The following SCTR variants were observed in gnomAD, a reference collection of about 807,000 sequenced individuals.
SCTR encodes secretin receptor.
Under a neutral mutation model 60.8 loss-of-function variants are expected in SCTR, and 56 were observed. The ratio of observed to expected loss-of-function variants is 0.92; its 90% CI spans 0.74 to 1.15. The LOEUF is 1.15. Ranked by LOEUF, SCTR falls within the 50% of genes most tolerant of loss-of-function variation. SCTR has a pLI of 0.00. For synonymous variants in SCTR, 202 were observed against 217.0 expected (o/e 0.93, Z 0.61); for missense variants, 562 against 550.4 (o/e 1.02, Z -0.21).
rs70947300 is a variant in SCTR, at chr2:119,523,392, CTATTATTAT to C, written c.72+754_72+762del. ...GAAAAACAAACCACCCATCCTGCCG[CTATTATTAT>C]TATTATTATTATTATTATTATTATT... On this transcript the variant is annotated intron_variant, in intron 1 of 12. Coordinates refer to ENST00000019103, the MANE Select transcript of SCTR (RefSeq NM_002980.3). 7.6e-3 allele frequency among the ~76,000 whole-genome samples: 1,024 copies of C among 134,238 alleles called. 11 individuals are homozygous for C. Among genetic ancestry groups the C allele is most frequent in the African/African-American group, 0.019 (667 of 35,708 alleles). 88.1% of individuals were successfully genotyped at this position (134,238 alleles called of 152,430 possible).
intron 11 of SCTR, 58 bp downstream of exon 11, chr2:119,446,701 C>G: frequency 1.4e-6 from 2 of 1,389,140 alleles, no homozygotes; most frequent in Non-Finnish European, 1.9e-6. Flanking sequence ...CTCCACTTCT[C>G]CCTAAGGACA....
At chr2:119,472,143 T>TTGA (rs1677049104) in intron 4 of SCTR, among the ~76,000 whole-genome samples, 1 of 152,094 alleles carries the variant, frequency 6.6e-6, no homozygotes, top group Non-Finnish European at 1.5e-5. Context: ...ATGAATGCCT[T>TTGA]TGAGGAGCAT....
Position 119,466,047 on chromosome 2 carries a change from G to A in SCTR, c.406-161C>T, listed in dbSNP as rs192985170. ...CAGACACATAACACCGTAACATCCT[G>A]GCATTGGAAAAGCCCTTAGGGATCA... On this transcript the variant is annotated intron_variant, in intron 4 of 12. Transcript: ENST00000019103. 1.5e-3 allele frequency among the ~76,000 whole-genome samples: 225 copies of A among 152,036 alleles called. 1 individual carries two copies. In the Middle Eastern group the frequency reaches 0.017, roughly 11 times the overall value.
intron 2 of SCTR, among the ~76,000 whole-genome samples, chr2:119,482,372 G>A (rs1269133536): frequency 6.6e-6 from 1 of 152,228 alleles, no homozygotes; most frequent in African/African-American, 2.4e-5. Context: ...CGCCTGTGGG[G>A]GCTTTGGAGG....
intron 2 of SCTR, among the ~76,000 whole-genome samples, 175 bp downstream of exon 2, chr2:119,494,253 T>A (rs1418956836): frequency 6.6e-6 from 1 of 152,182 alleles, no homozygotes; most frequent in Non-Finnish European, 1.5e-5. Context: ...TTGGGGTCCA[T>A]GCGATCTGCT....
intron 1 of SCTR, among the ~76,000 whole-genome samples, chr2:119,511,668 T>C (rs1466832303): frequency 6.6e-6 from 1 of 152,186 alleles, no homozygotes; most frequent in Non-Finnish European, 1.5e-5. Flanking sequence ...TATCTGGCTG[T>C]GGTTTGGGGT....
intron 1 of SCTR, among the ~76,000 whole-genome samples, chr2:119,495,112 TACAC>T (rs10558765): frequency 6.0e-5 from 9 of 150,784 alleles, no homozygotes; most frequent in Non-Finnish European, 1.0e-4. Flanking sequence ...GATATAGATT[TACAC>T]ACACACACAC....
At chr2:119,444,185 GAATATATACACATAT>G in intron 11 of SCTR, among the ~76,000 whole-genome samples, 2 of 134,608 alleles carry the variant, frequency 1.5e-5, no homozygotes, top group African/African-American at 6.1e-5. Flanking sequence ...ATATACATAT[GAATATATACACATAT>G]GTATATATAC....
At chr2:119,502,058 C>A (rs1678571450) in intron 1 of SCTR, among the ~76,000 whole-genome samples, 1 of 152,078 alleles carries the variant, frequency 6.6e-6, no homozygotes, top group African/African-American at 2.4e-5. Flanking sequence ...GAGTTCAAGA[C>A]CAACCTGGGC....
At chr2:119,479,460 C>T (rs1677499040) in intron 2 of SCTR, 1 of 167,674 alleles carries the variant, frequency 6.0e-6, no homozygotes, top group African/African-American at 2.4e-5. Context: ...ACTCTTGTCC[C>T]ATGATTCTCA....
In SCTR at chr2:119,524,259, G is replaced by A. The variant is rs1014452855; in HGVS notation, c.-33C>T. 1.1e-5 allele frequency: 15 copies of A among 1,391,002 alleles called. No homozygotes were observed. The Admixed American group carries it at 2.3e-4, about 21-fold the overall frequency. 86.2% of individuals were successfully genotyped at this position (1,391,002 alleles called of 1,614,324 possible). A position where few individuals can be genotyped will look rare whatever the true frequency, so the allele number is the denominator to read the frequency against. ...GCACGTTCCCCGAGGGCGCCCCGACGTCCGCCTGCCCGTGCCCTCTGCCCG... is the reference window on the plus strand; with the variant it reads ...GCACGTTCCCCGAGGGCGCCCCGACATCCGCCTGCCCGTGCCCTCTGCCCG... On this transcript the variant is annotated 5_prime_UTR_variant, in exon 1 of 13. In the 5' UTR this introduces an upstream ATG that the reference lacks. Transcript: ENST00000019103.
At chr2:119,515,322 G>C (rs1679078905) in intron 1 of SCTR, among the ~76,000 whole-genome samples, 1 of 152,228 alleles carries the variant, frequency 6.6e-6, no homozygotes, top group Admixed American at 6.5e-5. Flanking sequence ...ACCCCTAGGA[G>C]ATGGCTCTAC....
chr2:119,449,192 G>T (rs1290579319), intron 9 of SCTR, among the ~76,000 whole-genome samples: 1 of 152,162 alleles, frequency 6.6e-6, no homozygotes, highest in Non-Finnish European at 1.5e-5. Flanking sequence ...CAAAGTTTAG[G>T]GTACCCATTG....
intron 3 of SCTR, among the ~76,000 whole-genome samples, chr2:119,475,894 G>A (rs751351639): frequency 1.3e-5 from 2 of 151,870 alleles, no homozygotes; most frequent in Non-Finnish European, 2.9e-5. Flanking sequence ...AGGGGATGCC[G>A]CTGGGGAATT....
chr2:119,516,827 C>T lies in SCTR; in HGVS notation c.72+7328G>A, dbSNP rs553019884. On this transcript the variant is annotated intron_variant, in intron 1 of 12. Coordinates refer to ENST00000019103, the MANE Select transcript of SCTR (RefSeq NM_002980.3). ...ATACACAATTAGCCAGGCATGGTGG[C>T]GCATGCCTCTAATCCCAGCTACTCG... Among the ~76,000 whole-genome samples, 230 of 152,144 alleles carry T rather than the reference C, an allele frequency of 1.5e-3. 1 individual carries two copies. Among genetic ancestry groups the T allele is most frequent in the Admixed American group, 2.4e-3 (37 of 15,286 alleles).
chr2:119,465,431 T>C (rs1683791201), intron 5 of SCTR, among the ~76,000 whole-genome samples: 1 of 152,130 alleles, frequency 6.6e-6, no homozygotes, highest in Non-Finnish European at 1.5e-5. Flanking sequence ...ATGGGTCAGG[T>C]CGCCTTTGTT....
Position 119,455,882 on chromosome 2 carries a change from C to T in SCTR, c.791-2535G>A, listed in dbSNP as rs115513664. Among the ~76,000 whole-genome samples, 850 of 152,050 alleles carry T rather than the reference C, an allele frequency of 5.6e-3. 10 individuals are homozygous for T. Among genetic ancestry groups the T allele is most frequent in the African/African-American group, 0.019 (803 of 41,466 alleles). ...AAGGGACACCGTATGCCAGGAAAAA[C>T]GATGAAAAAAGGCCTGCATCACAGC... On this transcript the variant is annotated intron_variant, in intron 7 of 12. Coordinates refer to ENST00000019103, the MANE Select transcript of SCTR (RefSeq NM_002980.3).
At position 119,461,985 on chromosome 2, in the gene SCTR, C is replaced by T. The variant is rs17853467; in HGVS notation, c.652G>A (p.Val218Ile). The change falls in exon 7 of 13, where the codon GTC (valine) becomes ATC (isoleucine). Residue 218 changes from valine to isoleucine, a missense_variant. Coordinates refer to ENST00000019103, the MANE Select transcript of SCTR (RefSeq NM_002980.3). ...ATGCAGTACTGGAACAGCACCATGA[C>T]CAGCTTGCAGCCCGCCTGGAGAGAG... Reference protein sequence around the residue: ...CDAHRAGCKLVMVLFQYCIMA... With the variant: ...CDAHRAGCKLIMVLFQYCIMA... The T allele has an allele frequency of 5.6e-6, 9 of 1,605,286 alleles. No individual in the cohort carries two copies. The highest frequency in any genetic ancestry group is 1.7e-4 in the Middle Eastern group (1 of 6,046).
Position 119,478,922 on chromosome 2 carries a change from C to A in SCTR, c.194-4G>T. 6.2e-7 allele frequency: 1 copy of A among 1,614,074 alleles called. No individual in the cohort carries two copies. Among genetic ancestry groups the A allele is most frequent in the Non-Finnish European group, 8.5e-7 (1 of 1,179,950 alleles). On this transcript the variant is annotated splice_polypyrimidine_tract_variant and splice_region_variant and intron_variant, in intron 2 of 12. Coordinates refer to ENST00000019103, the MANE Select transcript of SCTR (RefSeq NM_002980.3). ...TTGTCCCACATCCCCTCACAACCTG[C>A]CAAGAAAAGCAGCATCAGACAAGGA...
Sources: gnomAD v4.1 joint callset for allele counts (sites outside exome capture counted in the v4.1 genomes callset) on GRCh38, gnomAD v4.1.1 for gene constraint, MANE v1.5 for transcripts, NCBI Gene and HGNC (gene_info 2026-07-23, HGNC 2026-07-21) for gene names.